CLSTN1: variants seen among roughly 807,000 people sequenced by gnomAD.
The protein encoded by CLSTN1 is calsyntenin-1.
CLSTN1 carries 28 observed loss-of-function variants against 108.3 expected under a neutral mutation model. The observed-to-expected ratio is 0.26, with a 90% CI of 0.19 to 0.35. The LOEUF (loss-of-function observed/expected upper bound fraction) is 0.35, where lower values mean the gene tolerates loss of function less well. Among genes scored for constraint, CLSTN1 ranks in the 10% least tolerant of loss-of-function variants. CLSTN1 has a pLI of 1.00. For missense variants in CLSTN1, 1,157 were observed against 1,302.6 expected, an observed-to-expected ratio of 0.89 and a Z score of 1.72; for synonymous variants, 524 against 534.9, an observed-to-expected ratio of 0.98 and a Z score of 0.28.
intron 15 of CLSTN1, 104 bp from the exon 16 acceptor site, chr1:9,733,650 G>C (rs778406746): frequency 9.4e-6 from 13 of 1,376,918 alleles, no homozygotes; most frequent in Non-Finnish European, 1.3e-5. Context: ...ACCCAGGTTA[G>C]CTAGGCCAAG....
intron 1 of CLSTN1, among the ~76,000 whole-genome samples, chr1:9,796,632 C>T (rs184240057): frequency 6.8e-6 from 1 of 146,114 alleles, no homozygotes; most frequent in Admixed American, 7.6e-5. Flanking sequence ...TGCAGTGAGC[C>T]AAGATCACGC....
chr1:9,745,416 G>A (rs1305090173), intron 7 of CLSTN1, among the ~76,000 whole-genome samples: 5 of 152,118 alleles, frequency 3.3e-5, no homozygotes, highest in African/African-American at 1.2e-4. Flanking sequence ...CAGCACTTTG[G>A]GAGGCCAAGG....
Position 9,731,338 on chromosome 1 carries a change from C to T in CLSTN1, c.2616G>A (p.Val872=), listed in dbSNP as rs1650378274. ...GAAATACCCCCAGGATAATCATGAA[C>T]ACCAGGAAGCTGACGCACACCACGA... ...VVIVVCVSFL[V]FMIILGVFRI... The change falls in exon 18 of 19, where the codon GTG becomes GTA. Residue 872 remains valine (V), a synonymous_variant. Coordinates refer to ENST00000377298, the MANE Select transcript of CLSTN1 (RefSeq NM_001009566.3). 1.2e-6 allele frequency: 2 copies of T among 1,614,268 alleles called. No homozygotes were observed. The highest frequency in any genetic ancestry group is 1.7e-6 in the Non-Finnish European group (2 of 1,180,050).
At position 9,770,331 on chromosome 1, in the gene CLSTN1, A is replaced by T. The variant is rs149388442; in HGVS notation, c.214+2941T>A. On this transcript the variant is annotated intron_variant, in intron 2 of 18. Coordinates refer to ENST00000377298, the MANE Select transcript of CLSTN1 (RefSeq NM_001009566.3). ...GTATTATTTCATCTAGAATATCTTA[A>T]GTTTGAGAAATACACAATAAAATTA... Among the ~76,000 whole-genome samples the T allele has an allele frequency of 2.5e-3, 387 of 152,354 alleles. 3 individuals are homozygous for T. Among genetic ancestry groups the T allele is most frequent in the African/African-American group, 8.8e-3 (366 of 41,590 alleles).
intron 1 of CLSTN1, among the ~76,000 whole-genome samples, chr1:9,817,410 C>G (rs1292240939): frequency 6.6e-6 from 1 of 152,168 alleles, no homozygotes; most frequent in Non-Finnish European, 1.5e-5. Flanking sequence ...TCACCGCAAC[C>G]TCCACCTCCT....
chr1:9,741,807 G>A (rs932546115), intron 9 of CLSTN1, among the ~76,000 whole-genome samples: 2 of 152,144 alleles, frequency 1.3e-5, no homozygotes, highest in Non-Finnish European at 1.5e-5. Flanking sequence ...AGCTACTTGG[G>A]AGGCTGAGGC....
At chr1:9,764,914 A>T (rs990297180) in intron 2 of CLSTN1, among the ~76,000 whole-genome samples, 1 of 151,804 alleles carries the variant, frequency 6.6e-6, no homozygotes, top group African/African-American at 2.4e-5. Context: ...CTGATCCCAA[A>T]CTCTTCCTGG....
At chr1:9,771,134 T>G (rs910117796) in intron 2 of CLSTN1, among the ~76,000 whole-genome samples, 3 of 152,338 alleles carry the variant, frequency 2.0e-5, no homozygotes, top group Admixed American at 2.0e-4. Flanking sequence ...AAGCCTGGAC[T>G]GCAATCACTT....
intron 1 of CLSTN1, among the ~76,000 whole-genome samples, chr1:9,777,822 A>C (rs558156742): frequency 6.6e-5 from 10 of 152,076 alleles, no homozygotes; most frequent in Non-Finnish European, 1.5e-4. Flanking sequence ...GGATGAGAAA[A>C]CGGCAAATAA....
In CLSTN1 at chr1:9,744,025, G is replaced by A. The variant is rs755481817; in HGVS notation, c.1235-20C>T. On this transcript the variant is annotated intron_variant, in intron 8 of 18. Coordinates refer to ENST00000377298, the MANE Select transcript of CLSTN1 (RefSeq NM_001009566.3). ...TCATATCTGCAAAGGCAGTTTCTATGGGTAAATTGCCAACTAAAGATCCAA... is the reference window on the plus strand; with the variant it reads ...TCATATCTGCAAAGGCAGTTTCTATAGGTAAATTGCCAACTAAAGATCCAA... 1 of 1,607,734 alleles carries A rather than the reference G, an allele frequency of 6.2e-7. No homozygotes were observed. The highest frequency in any genetic ancestry group is 1.1e-5 in the South Asian group (1 of 90,206).
intron 1 of CLSTN1, among the ~76,000 whole-genome samples, chr1:9,797,554 T>C (rs1654065465): frequency 6.6e-6 from 1 of 151,964 alleles, no homozygotes; most frequent in Non-Finnish European, 1.5e-5. Flanking sequence ...GGCGGGAGGA[T>C]CATGTGAGCC....
intron 1 of CLSTN1, among the ~76,000 whole-genome samples, chr1:9,810,407 C>T (rs1654702750): frequency 6.6e-6 from 1 of 150,620 alleles, no homozygotes; most frequent in Non-Finnish European, 1.5e-5. Flanking sequence ...AGCCGGGAGG[C>T]AGAGGTTGCA....
intron 7 of CLSTN1, among the ~76,000 whole-genome samples, chr1:9,748,552 A>T (rs1651393271): frequency 6.6e-6 from 1 of 152,146 alleles, no homozygotes; most frequent in South Asian, 2.1e-4. Flanking sequence ...CAGCGGCGTG[A>T]TCTTGGCTCA....
intron 1 of CLSTN1, among the ~76,000 whole-genome samples, chr1:9,800,898 C>A (rs1570510326): frequency 6.6e-6 from 1 of 151,714 alleles, no homozygotes; most frequent in East Asian, 1.9e-4. Flanking sequence ...GAGATTGCAC[C>A]ATTGCACTCC....
At chr1:9,792,543 A>G (rs1166035831) in intron 1 of CLSTN1, among the ~76,000 whole-genome samples, 1 of 151,448 alleles carries the variant, frequency 6.6e-6, no homozygotes, top group African/African-American at 2.4e-5. Flanking sequence ...TAACCTTGGG[A>G]GAGTCATCTT....
chr1:9,754,299 CGCCT>C (rs1651707368), intron 4 of CLSTN1, among the ~76,000 whole-genome samples: 1 of 152,130 alleles, frequency 6.6e-6, no homozygotes, highest in Admixed American at 6.6e-5. Context: ...TGGTGGCTCA[CGCCT>C]GTAATCCTAG....
chr1:9,760,927 A>C (rs1482621986), intron 2 of CLSTN1, among the ~76,000 whole-genome samples: 1 of 151,678 alleles, frequency 6.6e-6, no homozygotes, highest in Non-Finnish European at 1.5e-5. Context: ...AAACTCAAAC[A>C]ACCTCATCCG....
rs531480065 is a variant in CLSTN1 at position 9,730,305 on chromosome 1, C to T, written c.*203G>A. ...GGCCAGAGAGGACGTGTCAGCTCCT[C>T]GTGGGACTGAAGAGCGCGACCAGGC... On this transcript the variant is annotated 3_prime_UTR_variant, in exon 19 of 19. Transcript: ENST00000377298. This position sits in a 1 kb window ranked among gnomAD's most constrained non-coding sequence, Gnocchi z 5.6. The T allele has an allele frequency of 9.7e-6, 6 of 618,366 alleles. No homozygotes were observed. Among genetic ancestry groups the T allele is most frequent in the East Asian group, 2.7e-5 (1 of 36,866 alleles). 38.3% of individuals were successfully genotyped at this position (618,366 alleles called of 1,614,324 possible).
At chr1:9,820,705 G>C (rs1485924750) in intron 1 of CLSTN1, among the ~76,000 whole-genome samples, 1 of 152,128 alleles carries the variant, frequency 6.6e-6, no homozygotes, top group Non-Finnish European at 1.5e-5. Context: ...CCTCTGGTGT[G>C]CTGGTGACGG....
Sources: gnomAD v4.1 joint callset for allele counts (sites outside exome capture counted in the v4.1 genomes callset) on GRCh38, gnomAD v4.1.1 for gene constraint, Gnocchi (gnomAD v3.1) non-coding constraint, MANE v1.5 for transcripts, NCBI Gene and HGNC (gene_info 2026-07-23, HGNC 2026-07-21) for gene names.